SPON2: variants seen among roughly 807,000 people sequenced by gnomAD.
SPON2 encodes the protein spondin-2.
Under a neutral mutation model 29.9 loss-of-function variants are expected in SPON2, and 32 were observed. The observed-to-expected ratio is 1.07, with a 90% CI of 0.81 to 1.44. SPON2 has a LOEUF of 1.44. Ranked by LOEUF, SPON2 falls within the 40% of genes most tolerant of loss-of-function variation. SPON2 has a pLI of 0.00. For missense variants in SPON2, 541 were observed against 455.5 expected (o/e 1.19, Z -1.71); for synonymous variants, 248 against 209.1 (o/e 1.19, Z -1.61).
chr4:1,193,691 C>T (rs145563710), intron 1 of SPON2, among the ~76,000 whole-genome samples: 1 of 354 alleles, frequency 2.8e-3, no homozygotes, highest in East Asian at 0.038. Flanking sequence ...ATGTAGGGGG[C>T]GTGGGAAGGA....
chr4:1,188,551 A>C (rs940460594), intron 1 of SPON2, among the ~76,000 whole-genome samples: 1 of 152,214 alleles, frequency 6.6e-6, no homozygotes, highest in Non-Finnish European at 1.5e-5. Context: ...AAGAAAACAG[A>C]CCTTCGGACA....
chr4:1,171,421 C>T lies in SPON2; in HGVS notation c.286G>A (p.Asp96Asn). ...KNQYVSNGLR[D>N]FAERGEAWAL... ...CAGGCCTCGCCGCGCTCCGCAAAGTCGCGCAGCCCGTTACTGACGTACTGG... is the reference window on the plus strand; with the variant it reads ...CAGGCCTCGCCGCGCTCCGCAAAGTTGCGCAGCCCGTTACTGACGTACTGG... The change falls in exon 3 of 6, where the codon GAC (aspartate) becomes AAC (asparagine). Residue 96 changes from aspartate to asparagine, a missense_variant. Physicochemically the swap from Asp to Asn is conservative, Grantham distance 23. Transcript: ENST00000290902. The T allele has an allele frequency of 1.2e-6, 2 of 1,612,312 alleles. No homozygotes were observed. The highest frequency in any genetic ancestry group is 1.7e-6 in the Non-Finnish European group (2 of 1,179,788).
intron 5 of SPON2, among the ~76,000 whole-genome samples, chr4:1,168,430 TGA>T (rs919168697): frequency 2.6e-5 from 4 of 152,180 alleles, no homozygotes; most frequent in Middle Eastern, 3.4e-3. Context: ...TACTGAAGGA[TGA>T]GAGAGAGTGG....
intron 1 of SPON2, among the ~76,000 whole-genome samples, chr4:1,192,847 C>T (rs1372082477): frequency 1.3e-5 from 2 of 152,210 alleles, no homozygotes; most frequent in Admixed American, 6.5e-5. Flanking sequence ...GCCCTCACAT[C>T]AGGCTGTTCC....
At chr4:1,205,920 A>G (rs1056363624) in intron 1 of SPON2, among the ~76,000 whole-genome samples, 4 of 152,196 alleles carry the variant, frequency 2.6e-5, no homozygotes, top group Non-Finnish European at 4.4e-5. Context: ...GGCCGCAGGA[A>G]GCCATGCTCC....
upstream of SPON2, among the ~76,000 whole-genome samples, chr4:1,177,984 C>T (rs1727635872): frequency 6.6e-6 from 1 of 152,248 alleles, no homozygotes; most frequent in Non-Finnish European, 1.5e-5. Flanking sequence ...CACCCAGACA[C>T]ATCACACTTG....
At chr4:1,179,985 A>G (rs1181425850) in intron 1 of SPON2, among the ~76,000 whole-genome samples, 1 of 152,204 alleles carries the variant, frequency 6.6e-6, no homozygotes, top group African/African-American at 2.4e-5. Context: ...ACTGAAAAAA[A>G]AAAGGAAAAT....
At position 1,171,015 on chromosome 4, in the gene SPON2, T is replaced by C; in HGVS notation, c.620A>G (p.Gln207Arg). Reference sequence around the variant, plus strand: ...CCCACTCACCTCGGTCACCGTGTCCTGCGGGATGGTGGCGAAGTTGGGGGA... The same window carrying C: ...CCCACTCACCTCGGTCACCGTGTCCCGCGGGATGGTGGCGAAGTTGGGGGA... ...FSSPNFATIPQDTVTEITSSS... is the reference protein window; with the variant it reads ...FSSPNFATIPRDTVTEITSSS... The change falls in exon 4 of 6, where the codon CAG (glutamine) becomes CGG (arginine). Residue 207 changes from glutamine (Q) to arginine (R), a missense_variant. Transcript: ENST00000290902. 6 of 1,548,728 alleles carry C rather than the reference T, an allele frequency of 3.9e-6. No homozygotes were observed. The highest frequency in any genetic ancestry group is 5.2e-6 in the Non-Finnish European group (6 of 1,145,700).
chr4:1,171,716 G>A (rs1311501382), intron 2 of SPON2, 136 bp downstream of exon 2: 2 of 802,960 alleles, frequency 2.5e-6, no homozygotes, highest in Non-Finnish European at 4.1e-6. Flanking sequence ...GCAGGCGCTC[G>A]GCAAACATTC....
chr4:1,172,048 G>A lies in SPON2; in HGVS notation c.24C>T (p.Ala8=), dbSNP rs769377233. MENPSPA[A]ALGKALCALL... The stretch of plus-strand genomic sequence containing the variant: ...GAGCGCAGAGGGCCTTGCCCAGGGC[G>A]GCGGCCGGGCTGGGGTTTTCCATCA... Residue 8 remains alanine (A), a synonymous_variant, in exon 2 of 6, where the codon GCC becomes GCT. Transcript: ENST00000290902. 1.2e-6 allele frequency: 2 copies of A among 1,611,784 alleles called. No homozygotes were observed. The highest frequency in any genetic ancestry group is 2.2e-5 in the East Asian group (1 of 44,876).
chr4:1,167,957 C>A, intron 5 of SPON2: 1 of 332,022 alleles, frequency 3.0e-6, no homozygotes, highest in Non-Finnish European at 5.5e-6. Flanking sequence ...CTGGGAACCC[C>A]GTGGGAACCC....
At chr4:1,207,086 G>T (rs1728360706) in intron 1 of SPON2, among the ~76,000 whole-genome samples, 1 of 152,074 alleles carries the variant, frequency 6.6e-6, no homozygotes, top group African/African-American at 2.4e-5. Context: ...GTGGGCAGGT[G>T]CAGGGCAGTG....
At chr4:1,205,363 C>G (rs549410516) in intron 1 of SPON2, among the ~76,000 whole-genome samples, 4 of 152,308 alleles carry the variant, frequency 2.6e-5, no homozygotes, top group Admixed American at 2.6e-4. Context: ...GAGCTGGGGC[C>G]TCCTCGGAGC....
At chr4:1,200,750 G>A (rs770803843) in intron 1 of SPON2, 62 of 451,180 alleles carry the variant, frequency 1.4e-4, no homozygotes, top group South Asian at 9.4e-4. Context: ...GGGGAGCAGC[G>A]AGGAGAGGGT....
chr4:1,192,966 C>G (rs1207381158), intron 1 of SPON2, among the ~76,000 whole-genome samples: 3 of 152,196 alleles, frequency 2.0e-5, no homozygotes, highest in African/African-American at 7.2e-5. Flanking sequence ...CTGCTGCCAC[C>G]TCATCTGGCA....
chr4:1,171,566 A>G (rs1727451242), intron 2 of SPON2, 80 bp from the exon 3 acceptor site: 2 of 1,394,862 alleles, frequency 1.4e-6, no homozygotes, highest in East Asian at 2.4e-5. Flanking sequence ...GCCCCAGGAA[A>G]TCCCTCCCCG....
chr4:1,202,821 GC>G lies in SPON2; in HGVS notation c.-234+5058del, dbSNP rs973976663. Reference sequence around the variant, plus strand: ...GGCCACCATCGCCTGCAGTGTCAGCGCCCCGTGGATGCCGTCAAGGCCCCCC... The same window carrying G: ...GGCCACCATCGCCTGCAGTGTCAGCGCCCGTGGATGCCGTCAAGGCCCCCC... On this transcript the variant is annotated intron_variant, in intron 1 of 3. Transcript: ENST00000509233. The surrounding 1 kb of genome is among the most constrained non-coding windows in gnomAD (Gnocchi z 5.4). 2.0e-5 allele frequency among the ~76,000 whole-genome samples: 3 copies of G among 152,148 alleles called. No individual in the cohort carries two copies. The highest frequency in any genetic ancestry group is 2.9e-5 in the Non-Finnish European group (2 of 68,022).
intron 1 of SPON2, among the ~76,000 whole-genome samples, chr4:1,207,592 A>T (rs891537854): frequency 5.2e-5 from 7 of 134,150 alleles, no homozygotes; most frequent in Non-Finnish European, 1.1e-4. Context: ...CATGCTCCAG[A>T]GGGTCCGGCT....
At chr4:1,186,238 C>T (rs1039723471) in intron 1 of SPON2, among the ~76,000 whole-genome samples, 1 of 142,210 alleles carries the variant, frequency 7.0e-6, no homozygotes, top group African/African-American at 2.7e-5. Context: ...AGCGAGACTC[C>T]GTCTCAAAAA....
Sources: allele counts gnomAD v4.1 joint callset (sites outside exome capture counted in the v4.1 genomes callset), GRCh38; gene constraint gnomAD v4.1.1; non-coding constraint Gnocchi (gnomAD v3.1); transcripts MANE v1.5; gene names NCBI Gene and HGNC (gene_info 2026-07-23, HGNC 2026-07-21).